The following PSMC2 variants were observed in gnomAD, a reference collection of about 807,000 sequenced individuals.
PSMC2 encodes the protein proteasome 26S subunit, ATPase 2.
PSMC2 carries 7 observed loss-of-function variants against 53.3 expected under a neutral mutation model. The observed-to-expected ratio is 0.13, with a 90% CI of 0.07 to 0.25. The LOEUF is 0.25. PSMC2 is among the 10% of genes least tolerant of loss of function. The pLI is 1.00. For synonymous variants in PSMC2, 169 were observed against 183.9 expected (o/e 0.92, Z 0.66); for missense variants, 241 against 544.0 (o/e 0.44, Z 5.54).
At chr7:103,347,804 T>C (rs572460405) in intron 1 of PSMC2, 23 bp downstream of exon 1, 2 of 1,613,444 alleles carry the variant, frequency 1.2e-6, no homozygotes, top group Non-Finnish European at 1.7e-6. Flanking sequence ...GGGCCGGAGC[T>C]CGGAGCTGGG....
intron 7 of PSMC2, 55 bp from the exon 8 acceptor site, chr7:103,364,088 G>GAAGTATACTGTATAACAAAAATACT: frequency 6.5e-7 from 1 of 1,534,210 alleles, no homozygotes; most frequent in Non-Finnish European, 8.9e-7. Flanking sequence ...TTTAGAAGTA[G>GAAGTATACTGTATAACAAAAATACT]TCTGATTTTT....
At chr7:103,360,762 G>A (rs1476842253) in intron 4 of PSMC2, among the ~76,000 whole-genome samples, 2 of 152,128 alleles carry the variant, frequency 1.3e-5, no homozygotes, top group Non-Finnish European at 2.9e-5. Flanking sequence ...GATGTGCATG[G>A]CATTATAAAT....
chr7:103,364,390 G>A (rs114923477), intron 8 of PSMC2, 83 bp downstream of exon 8: 6 of 1,468,970 alleles, frequency 4.1e-6, no homozygotes, highest in Non-Finnish European at 5.6e-6. Flanking sequence ...CTTCTGCATT[G>A]AGGGATCCAG....
intron 1 of PSMC2, 122 bp downstream of exon 1, chr7:103,347,903 A>G: frequency 1.9e-6 from 2 of 1,069,192 alleles, no homozygotes; most frequent in Admixed American, 2.0e-5. Flanking sequence ...TGCCCCTAGT[A>G]ATTTAGTCTG....
chr7:103,351,208 A>G (rs185679924), intron 1 of PSMC2, among the ~76,000 whole-genome samples: 9 of 152,246 alleles, frequency 5.9e-5, no homozygotes, highest in African/African-American at 2.2e-4. Context: ...AGGCTCAGTA[A>G]TTTGCTAAGA....
Position 103,367,106 on chromosome 7 carries a change from G to A in PSMC2, c.845-307G>A, listed in dbSNP as rs548839544. On this transcript the variant is annotated intron_variant, in intron 9 of 11. Coordinates refer to ENST00000292644, the MANE Select transcript of PSMC2 (RefSeq NM_002803.4). This position sits in a 1 kb window ranked among gnomAD's most constrained non-coding sequence, Gnocchi z 6.1. ...ATAAAGGGAATAATTGTTGTCTTGTGTACTTCATGAGTTTTTGAGAGGTCC... is the reference window on the plus strand; with the variant it reads ...ATAAAGGGAATAATTGTTGTCTTGTATACTTCATGAGTTTTTGAGAGGTCC... 1.3e-5 allele frequency among the ~76,000 whole-genome samples: 2 copies of A among 152,260 alleles called. No individual in the cohort carries two copies. Among genetic ancestry groups the A allele is most frequent in the East Asian group, 3.9e-4 (2 of 5,188 alleles).
intron 1 of PSMC2, chr7:103,352,671 A>G: frequency 1.8e-6 from 1 of 560,826 alleles, no homozygotes; most frequent in South Asian, 2.0e-5. Context: ...TGGGATTACA[A>G]GTGTGAGCCA....
chr7:103,353,598 C>T (rs779029773), intron 1 of PSMC2, among the ~76,000 whole-genome samples: 2 of 152,182 alleles, frequency 1.3e-5, no homozygotes, highest in African/African-American at 4.8e-5. Flanking sequence ...GGAGCCACCG[C>T]ACGGGGCCTG....
chr7:103,347,544 C>T (rs1359921902), upstream of PSMC2: 8 of 658,326 alleles, frequency 1.2e-5, no homozygotes, highest in East Asian at 2.3e-4. Context: ...CAAAAACCAG[C>T]GTGCCAAAGC....
chr7:103,352,255 G>GT (rs1219097756), intron 1 of PSMC2, among the ~76,000 whole-genome samples: 1 of 103,162 alleles, frequency 9.7e-6, no homozygotes, highest in Non-Finnish European at 2.0e-5. Context: ...AAGACCTGCC[G>GT]TTTTTTTCCT....
At chr7:103,363,481 A>G in intron 7 of PSMC2, 42 bp downstream of exon 7, 1 of 1,538,618 alleles carries the variant, frequency 6.5e-7, no homozygotes, top group Non-Finnish European at 9.0e-7. Flanking sequence ...TTGTATAAAG[A>G]TGTCTTTTGT....
intron 1 of PSMC2, chr7:103,352,609 G>T: frequency 2.3e-6 from 1 of 425,814 alleles, no homozygotes; most frequent in Non-Finnish European, 4.4e-6. Flanking sequence ...TTCGCCATGT[G>T]GTCCAGGCTG....
intron 4 of PSMC2, among the ~76,000 whole-genome samples, chr7:103,358,338 T>C (rs1820161347): frequency 6.6e-6 from 1 of 152,168 alleles, no homozygotes; most frequent in African/African-American, 2.4e-5. Context: ...TTTTCATCCA[T>C]TGTCCTGGGC....
At chr7:103,359,179 G>GT (rs1342534706) in intron 4 of PSMC2, among the ~76,000 whole-genome samples, 1 of 31,972 alleles carries the variant, frequency 3.1e-5, no homozygotes, top group African/African-American at 8.4e-5. Flanking sequence ...TTAATTTTTA[G>GT]TAGAGACAGG....
intron 8 of PSMC2, among the ~76,000 whole-genome samples, chr7:103,365,212 T>A (rs768083578): frequency 3.0e-4 from 45 of 152,078 alleles, no homozygotes; most frequent in Non-Finnish European, 5.3e-4. Context: ...AACTATTAAT[T>A]TGACCTCTTC....
At chr7:103,352,212 A>C (rs1409490763) in intron 1 of PSMC2, among the ~76,000 whole-genome samples, 1 of 70,292 alleles carries the variant, frequency 1.4e-5, no homozygotes, top group African/African-American at 7.2e-5. Flanking sequence ...ACTCATACTT[A>C]GTTAAAAAAA....
intron 4 of PSMC2, among the ~76,000 whole-genome samples, chr7:103,356,825 C>A (rs1820060741): frequency 6.6e-6 from 1 of 152,048 alleles, no homozygotes; most frequent in South Asian, 2.1e-4. Flanking sequence ...GTTAATGTTG[C>A]TTAGAAAAAC....
intron 2 of PSMC2, 65 bp downstream of exon 2, chr7:103,354,023 T>C: frequency 8.0e-7 from 1 of 1,247,788 alleles, no homozygotes; most frequent in Non-Finnish European, 1.1e-6. Flanking sequence ...GTTTTGGTAT[T>C]GTCCTTCCAA....
Position 103,367,988 on chromosome 7 carries a change from T to A in PSMC2, c.1236T>A (p.Ala412=). 6.2e-7 allele frequency: 1 copy of A among 1,614,060 alleles called. No individual in the cohort carries two copies. Among genetic ancestry groups the A allele is most frequent in the Non-Finnish European group, 8.5e-7 (1 of 1,179,982 alleles). ...CTACCGAGAAGGATTTCTTGGAAGC[T>A]GTAAATAAGGTCATTAAGTCTTATG... ...KIATEKDFLE[A]VNKVIKSYAK... is the part of the protein sequence containing the mutation. Residue 412 remains alanine (A), a synonymous_variant, in exon 12 of 12, where the codon GCT becomes GCA. Coordinates refer to ENST00000292644, the MANE Select transcript of PSMC2 (RefSeq NM_002803.4). The surrounding 1 kb of genome is among the most constrained non-coding windows in gnomAD (Gnocchi z 6.1).
Sources: allele counts gnomAD v4.1 joint callset (sites outside exome capture counted in the v4.1 genomes callset), GRCh38; gene constraint gnomAD v4.1.1; non-coding constraint Gnocchi (gnomAD v3.1); transcripts MANE v1.5; gene names NCBI Gene and HGNC (gene_info 2026-07-23, HGNC 2026-07-21).